The following TFEC variants were observed in gnomAD, a reference collection of about 807,000 sequenced individuals.
TFEC encodes the protein transcription factor EC.
TFEC carries 31 observed loss-of-function variants against 41.6 expected under a neutral mutation model. The observed-to-expected ratio is 0.74, with a 90% CI of 0.56 to 1.01. The LOEUF is 1.01. Among genes scored for constraint, TFEC ranks in the 50% least tolerant of loss-of-function variants. TFEC has a pLI of 0.00. For missense variants in TFEC, 402 were observed against 404.1 expected (o/e 0.99, Z 0.04); for synonymous variants, 143 against 140.6 (o/e 1.02, Z -0.12).
At chr7:116,069,425 T>C (rs1455993648) in intron 3 of TFEC, among the ~76,000 whole-genome samples, 2 of 151,626 alleles carry the variant, frequency 1.3e-5, no homozygotes, top group African/African-American at 4.8e-5. Context: ...GTTTGATACA[T>C]ATTCCTTCTT....
intron 1 of TFEC, among the ~76,000 whole-genome samples, chr7:115,996,829 G>T (rs746436965): frequency 6.6e-6 from 1 of 152,152 alleles, no homozygotes; most frequent in Non-Finnish European, 1.5e-5. Context: ...GGCAGTAATA[G>T]CTTTGGGAGA....
chr7:116,051,259 C>A (rs941382533), intron 3 of TFEC, among the ~76,000 whole-genome samples: 5 of 152,162 alleles, frequency 3.3e-5, no homozygotes. Context: ...AACAAACCTG[C>A]ACGTTGTGCA....
At chr7:116,086,653 A>G (rs193095411) in intron 3 of TFEC, among the ~76,000 whole-genome samples, 2 of 151,964 alleles carry the variant, frequency 1.3e-5, no homozygotes, top group Non-Finnish European at 2.9e-5. Context: ...GCAAAGTGAC[A>G]ATATGAATAC....
chr7:116,042,695 G>A (rs557057374), intron 3 of TFEC, among the ~76,000 whole-genome samples: 12 of 152,112 alleles, frequency 7.9e-5, no homozygotes, highest in Non-Finnish European at 1.6e-4. Context: ...CAGTATGCAG[G>A]ACTGATTCAG....
chr7:116,048,201 C>T (rs11765819), intron 3 of TFEC, among the ~76,000 whole-genome samples: 20,425 of 152,192 alleles, frequency 0.13, 1,822 homozygotes, highest in Non-Finnish European at 0.2. Flanking sequence ...TGAGGATGTT[C>T]GAACCCACCA....
At chr7:116,052,904 C>T (rs1372984732) in intron 3 of TFEC, among the ~76,000 whole-genome samples, 2 of 151,542 alleles carry the variant, frequency 1.3e-5, no homozygotes, top group Non-Finnish European at 2.9e-5. Context: ...CCCGTCTCTA[C>T]TAAAAAAATA....
At chr7:116,115,978 T>C (rs1797979051) in intron 1 of TFEC, among the ~76,000 whole-genome samples, 1 of 151,990 alleles carries the variant, frequency 6.6e-6, no homozygotes. Flanking sequence ...AAGTTACTTG[T>C]ACATGGCTTT....
intron 3 of TFEC, among the ~76,000 whole-genome samples, chr7:116,075,738 G>A (rs553040204): frequency 1.1e-4 from 16 of 152,184 alleles, no homozygotes; most frequent in African/African-American, 3.9e-4. Flanking sequence ...ACCAAGGAGA[G>A]TCTGAGCTCA....
chr7:115,963,740 A>C (rs1484905138), intron 3 of TFEC, among the ~76,000 whole-genome samples: 1 of 151,706 alleles, frequency 6.6e-6, no homozygotes, highest in Non-Finnish European at 1.5e-5. Flanking sequence ...AGTAGACCAA[A>C]GGTTATCAGG....
At position 116,116,347 on chromosome 7, in the gene TFEC, T is replaced by A. The variant is rs574697739; in HGVS notation, c.-68-4309A>T. Among the ~76,000 whole-genome samples the A allele has an allele frequency of 2.6e-5, 4 of 151,966 alleles. No homozygotes were observed. The East Asian group carries it at 5.8e-4, about 22-fold the overall frequency. On this transcript the variant is annotated intron_variant, in intron 1 of 8. Coordinates refer to the TFEC transcript ENST00000484212. ...GATGAACTTTCATGTGAAGGAGAAG[T>A]AGATTTATTTTAATGTTCCCCCATA...
intron 1 of TFEC, among the ~76,000 whole-genome samples, chr7:116,159,440 CAT>C (rs1341028002): frequency 6.6e-6 from 1 of 151,800 alleles, no homozygotes; most frequent in Non-Finnish European, 1.5e-5. Context: ...AGGAGAGAAA[CAT>C]AGTCTCGCCA....
At chr7:116,082,712 G>A (rs1429462243) in intron 3 of TFEC, among the ~76,000 whole-genome samples, 2 of 151,810 alleles carry the variant, frequency 1.3e-5, no homozygotes, top group African/African-American at 4.8e-5. Flanking sequence ...CAAACATTAG[G>A]TGTTTAGCAG....
intron 3 of TFEC, among the ~76,000 whole-genome samples, chr7:116,108,446 G>A (rs1797770471): frequency 6.6e-6 from 1 of 151,938 alleles, no homozygotes; most frequent in Admixed American, 6.6e-5. Flanking sequence ...TTCTTTCATC[G>A]AATTTATTTA....
At chr7:115,942,089 T>C in intron 6 of TFEC, 49 bp from the exon 7 acceptor site, 1 of 1,530,596 alleles carries the variant, frequency 6.5e-7, no homozygotes, top group Non-Finnish European at 8.8e-7. Context: ...GTCAGCAGAA[T>C]TCATAAGAAC....
intron 3 of TFEC, among the ~76,000 whole-genome samples, chr7:115,973,769 A>T (rs760635636): frequency 6.6e-6 from 1 of 152,054 alleles, no homozygotes; most frequent in Non-Finnish European, 1.5e-5. Context: ...TTCTTCTACA[A>T]AGGTATAGAG....
At chr7:116,155,580 G>GA (rs1262371467) in intron 1 of TFEC, among the ~76,000 whole-genome samples, 1 of 151,864 alleles carries the variant, frequency 6.6e-6, no homozygotes, top group Admixed American at 6.6e-5. Context: ...GAAAAAAAAA[G>GA]AAAGAAAGAA....
At chr7:116,027,487 T>TC (rs1185061911) in intron 1 of TFEC, among the ~76,000 whole-genome samples, 1 of 152,074 alleles carries the variant, frequency 6.6e-6, no homozygotes, top group Non-Finnish European at 1.5e-5. Flanking sequence ...TACCAGCTAC[T>TC]CTGGGGGGTT....
At chr7:116,027,784 T>C (rs1365390193) in intron 1 of TFEC, among the ~76,000 whole-genome samples, 1 of 152,124 alleles carries the variant, frequency 6.6e-6, no homozygotes, top group East Asian at 1.9e-4. Flanking sequence ...AATTTGAAAA[T>C]ACTCTTCCAT....
chr7:115,977,404 A>G (rs976961649), intron 2 of TFEC, among the ~76,000 whole-genome samples: 1 of 152,110 alleles, frequency 6.6e-6, no homozygotes, highest in African/African-American at 2.4e-5. Context: ...TTTACAAAAG[A>G]ACAAAACTTT....
Sources: gnomAD v4.1 joint callset for allele counts (sites outside exome capture counted in the v4.1 genomes callset) on GRCh38, gnomAD v4.1.1 for gene constraint, MANE v1.5 for transcripts, NCBI Gene and HGNC (gene_info 2026-07-23, HGNC 2026-07-21) for gene names.